Variants in TUSC3 observed in about 807,000 individuals in gnomAD.
TUSC3 encodes the protein tumor suppressor candidate 3.
Under a neutral mutation model 44.8 loss-of-function variants are expected in TUSC3, and 45 were observed. The observed-to-expected ratio is 1.00, with a 90% CI of 0.79 to 1.29. The LOEUF (loss-of-function observed/expected upper bound fraction) is 1.29, where lower values mean the gene tolerates loss of function less well. Among genes scored for constraint, TUSC3 ranks in the 50% most tolerant of loss-of-function variants. TUSC3 has a pLI of 0.00. For synonymous variants in TUSC3, 212 were observed against 152.9 expected (o/e 1.39, Z -2.85); for missense variants, 519 against 437.9 (o/e 1.19, Z -1.65).
chr8:15,844,008 C>G, the TUSC3 span, among the ~76,000 whole-genome samples: 2 of 151,996 alleles, frequency 1.3e-5, no homozygotes, highest in African/African-American at 2.4e-5. Flanking sequence ...TTCAGAATTC[C>G]CTTCTCAAAT....
At chr8:15,583,791 C>A (rs1457823928) in intron 1 of TUSC3, among the ~76,000 whole-genome samples, 1 of 151,758 alleles carries the variant, frequency 6.6e-6, no homozygotes, top group African/African-American at 2.4e-5. Flanking sequence ...TGGAAGAGTA[C>A]ATTAAAAGAA....
the TUSC3 span, among the ~76,000 whole-genome samples, chr8:15,780,507 G>T: frequency 6.6e-6 from 1 of 152,136 alleles, no homozygotes; most frequent in Admixed American, 6.5e-5. Flanking sequence ...CTTCATTCCT[G>T]GGAATAGGGC....
intron 1 of TUSC3, among the ~76,000 whole-genome samples, chr8:15,622,052 C>T (rs1805270791): frequency 6.6e-6 from 1 of 152,132 alleles, no homozygotes; most frequent in Non-Finnish European, 1.5e-5. Flanking sequence ...CTCTGTGAGC[C>T]ACTTTTCCTT....
intron 2 of TUSC3, among the ~76,000 whole-genome samples, chr8:15,512,860 ATATATGTGTGTG>A (rs1801158718): frequency 9.8e-6 from 1 of 101,706 alleles, no homozygotes; most frequent in African/African-American, 5.2e-5. Flanking sequence ...GTGTGTGTAT[ATATATGTGTGTG>A]TATATATATA....
intron 2 of TUSC3, among the ~76,000 whole-genome samples, chr8:15,505,291 G>T (rs1242053889): frequency 6.6e-6 from 1 of 152,134 alleles, no homozygotes; most frequent in East Asian, 1.9e-4. Flanking sequence ...ACTGTCAATT[G>T]TCAAAAAGAA....
chr8:15,628,884 A>G lies in TUSC3; in HGVS notation c.308+5635A>G, dbSNP rs541396218. 6.6e-5 allele frequency among the ~76,000 whole-genome samples: 10 copies of G among 152,242 alleles called. No individual in the cohort carries two copies. The South Asian group carries it at 1.0e-3, about 16-fold the overall frequency. On this transcript the variant is annotated intron_variant, in intron 2 of 10. Coordinates refer to ENST00000503731, the MANE Select transcript of TUSC3 (RefSeq NM_006765.4). ...AAGTGGATTAGGAGAATGAGTAGAA[A>G]GTGCGGGTGAGAGAATATGGGAAAT...
At chr8:15,709,579 A>C (rs1809756450) in intron 6 of TUSC3, among the ~76,000 whole-genome samples, 1 of 151,876 alleles carries the variant, frequency 6.6e-6, no homozygotes, top group Admixed American at 6.6e-5. Flanking sequence ...ATCTAAGAGC[A>C]CGGGGAAAGC....
the TUSC3 span, among the ~76,000 whole-genome samples, chr8:15,838,836 G>A: frequency 6.6e-6 from 1 of 152,106 alleles, no homozygotes; most frequent in Admixed American, 6.5e-5. Flanking sequence ...TCTTGGCAAT[G>A]CAGGCTCTTT....
intron 6 of TUSC3, among the ~76,000 whole-genome samples, chr8:15,716,452 A>G (rs1240082644): frequency 6.6e-6 from 1 of 152,176 alleles, no homozygotes; most frequent in Non-Finnish European, 1.5e-5. Context: ...TTTGAAATCT[A>G]TAAAGAAAAA....
In TUSC3 at chr8:15,766,517, G is replaced by C. The variant is rs912610621; in HGVS notation, c.*2361G>C. ...ACAATTGTTTTTCTACTACAGTGGA[G>C]AGAAAAATCCCAATTATAAAATTCC... On this transcript the variant is annotated 3_prime_UTR_variant, in exon 11 of 11. Coordinates refer to ENST00000503731, the MANE Select transcript of TUSC3 (RefSeq NM_006765.4). 1 of 141,596 alleles carries C rather than the reference G, an allele frequency of 7.1e-6. No individual in the cohort carries two copies. Among genetic ancestry groups the C allele is most frequent in the African/African-American group, 2.5e-5 (1 of 40,418 alleles). 8.8% of individuals were successfully genotyped at this position (141,596 alleles called of 1,614,324 possible).
intron 10 of TUSC3, among the ~76,000 whole-genome samples, chr8:15,759,425 CTG>C (rs1293341515): frequency 2.6e-5 from 4 of 151,994 alleles, no homozygotes; most frequent in African/African-American, 7.2e-5. Flanking sequence ...TTCCAGAACA[CTG>C]TGTACATTCT....
At position 15,582,429 on chromosome 8, in the gene TUSC3, C is replaced by T. The variant is rs369285579; in HGVS notation, c.139-40651C>T. 5.3e-5 allele frequency among the ~76,000 whole-genome samples: 8 copies of T among 152,156 alleles called. No homozygotes were observed. In the East Asian group the frequency reaches 5.8e-4, roughly 11 times the overall value. On this transcript the variant is annotated intron_variant, in intron 1 of 10. Transcript: ENST00000503731. ...TTACTGTTATTGGAAATGGAAGATA[C>T]GTACCTTCATGCTATAATGAAGGAC...
intron 6 of TUSC3, among the ~76,000 whole-genome samples, chr8:15,721,445 C>T (rs1212655401): frequency 6.6e-6 from 1 of 151,454 alleles, no homozygotes; most frequent in African/African-American, 2.4e-5. Flanking sequence ...TGCTTTTTTT[C>T]CCCCAGGATA....
intron 1 of TUSC3, among the ~76,000 whole-genome samples, chr8:15,441,368 C>T (rs557950342): frequency 6.6e-6 from 1 of 152,316 alleles, no homozygotes; most frequent in African/African-American, 2.4e-5. Context: ...GATCGCGTCA[C>T]TGCACTCCAG....
chr8:15,686,226 G>A (rs1368701077), intron 6 of TUSC3, among the ~76,000 whole-genome samples: 1 of 151,964 alleles, frequency 6.6e-6, no homozygotes, highest in Non-Finnish European at 1.5e-5. Flanking sequence ...TGTTAAAAAA[G>A]CAATAATCTT....
chr8:15,586,355 A>T (rs1465094335), intron 1 of TUSC3, among the ~76,000 whole-genome samples: 1 of 152,088 alleles, frequency 6.6e-6, no homozygotes, highest in Non-Finnish European at 1.5e-5. Context: ...ACTTGAAGTA[A>T]ATGCATATTC....
intron 1 of TUSC3, among the ~76,000 whole-genome samples, chr8:15,596,590 C>G (rs1481318238): frequency 6.6e-6 from 1 of 152,096 alleles, no homozygotes; most frequent in Non-Finnish European, 1.5e-5. Context: ...GTGGGGCACA[C>G]TGTAAGTTGT....
chr8:15,474,362 C>T (rs1455710648), intron 1 of TUSC3, among the ~76,000 whole-genome samples: 1 of 152,110 alleles, frequency 6.6e-6, no homozygotes, highest in Admixed American at 6.5e-5. Context: ...ACAAAGATAA[C>T]AGGATTAAGA....
At chr8:15,722,421 A>C (rs1465458346) in intron 6 of TUSC3, among the ~76,000 whole-genome samples, 1 of 151,956 alleles carries the variant, frequency 6.6e-6, no homozygotes, top group Admixed American at 6.6e-5. Context: ...TTAACCAAAA[A>C]TCTGTGGACT....
Sources: allele counts gnomAD v4.1 joint callset (sites outside exome capture counted in the v4.1 genomes callset), GRCh38; gene constraint gnomAD v4.1.1; transcripts MANE v1.5; gene names NCBI Gene and HGNC (gene_info 2026-07-23, HGNC 2026-07-21).